Variants in NOL8 observed in about 807,000 individuals in gnomAD.
The protein encoded by NOL8 is nucleolar protein 8.
In NOL8, 93 loss-of-function variants were observed where a neutral mutation model predicts 116.1. That is an observed-to-expected ratio of 0.80 (90% CI 0.68 to 0.95). The LOEUF is 0.95. Among genes scored for constraint, NOL8 ranks in the 40% least tolerant of loss-of-function variants. The probability of loss-of-function intolerance (pLI) is 0.00; values close to 1 mark genes in which losing one functional copy is unlikely to be tolerated. For missense variants in NOL8, 1,291 were observed against 1,382.8 expected, an observed-to-expected ratio of 0.93 and a Z score of 1.05; for synonymous variants, 419 against 469.0, an observed-to-expected ratio of 0.89 and a Z score of 1.38.
chr9:92,324,462 T>G, intron 1 of NOL8: 3 of 251,618 alleles, frequency 1.2e-5, no homozygotes, highest in Non-Finnish European at 7.7e-6. Flanking sequence ...CAAATGGCCA[T>G]AATATTACAC....
chr9:92,302,231 T>G (rs1198946463), intron 12 of NOL8, among the ~76,000 whole-genome samples: 1 of 152,178 alleles, frequency 6.6e-6, no homozygotes, highest in Non-Finnish European at 1.5e-5. Flanking sequence ...TACCAGTAAC[T>G]GGTAAAATTG....
Position 92,314,277 on chromosome 9 carries a change from A to G in NOL8, c.2348T>C (p.Leu783Pro). ...TGAAAATATACTCACCAAATTTGCC[A>G]GAGCATTATGCACCAGCTTCTTCTG... is the stretch of plus-strand genomic sequence containing the variant. ...EVQKKLVHNA[L>P]ANLDGHPEDK... Residue 783 changes from leucine to proline, a missense_variant, in exon 7 of 17, where the codon CTG becomes CCG. By Grantham distance (98) the Leu-to-Pro change is moderately conservative. Transcript: ENST00000442668. 1 of 1,563,676 alleles carries G rather than the reference A, an allele frequency of 6.4e-7. No homozygotes were observed. The highest frequency in any genetic ancestry group is 8.7e-7 in the Non-Finnish European group (1 of 1,154,562).
At position 92,314,538 on chromosome 9, in the gene NOL8, T is replaced by A; in HGVS notation, c.2087A>T (p.Asp696Val). 6.2e-7 allele frequency: 1 copy of A among 1,613,682 alleles called. No homozygotes were observed. The highest frequency in any genetic ancestry group is 8.5e-7 in the Non-Finnish European group (1 of 1,179,752). ...AKTHNIGFDK[D>V]SCHSTTKTEA... ...TGTCTTTGTGGTACTATGGCAGCTGTCTTTGTCAAAGCCTATGTTGTGAGT... is the reference window on the plus strand; with the variant it reads ...TGTCTTTGTGGTACTATGGCAGCTGACTTTGTCAAAGCCTATGTTGTGAGT... Residue 696 changes from aspartate (D) to valine (V), a missense_variant, in exon 7 of 17, where the codon GAC becomes GTC. Physicochemically the swap from Asp to Val is radical, Grantham distance 152. Coordinates refer to ENST00000442668, the MANE Select transcript of NOL8 (RefSeq NM_017948.6).
In NOL8 at chr9:92,324,127, AC is replaced by A; in HGVS notation, c.34del (p.Val12TrpfsTer49). 5.0e-6 allele frequency: 8 copies of A among 1,613,994 alleles called. No individual in the cohort carries two copies. The highest frequency in any genetic ancestry group is 6.8e-6 in the Non-Finnish European group (8 of 1,179,866). Reference protein sequence around the residue: ...KVNRETKRLYVGGLSQDISEA... With the variant: ...KVNRETKRLYXGGLSQDISEA... ...AGAAATGTCCTGGCTAAGGCCACCC[AC>A]ATAAAGGCGCTTCGTTTCTCTGTTC... On this transcript the variant is annotated frameshift_variant, in exon 2 of 17. Coordinates refer to ENST00000442668, the MANE Select transcript of NOL8 (RefSeq NM_017948.6). LOFTEE classifies it high-confidence loss of function.
intron 11 of NOL8, among the ~76,000 whole-genome samples, chr9:92,306,612 A>G (rs1838283345): frequency 6.6e-6 from 1 of 152,212 alleles, no homozygotes; most frequent in Non-Finnish European, 1.5e-5. Flanking sequence ...GTTTATATAA[A>G]TACTTTTACA....
In NOL8 at chr9:92,324,142, G is replaced by A. The variant is rs1424565053; in HGVS notation, c.20C>T (p.Thr7Met). 4 of 1,613,528 alleles carry A rather than the reference G, an allele frequency of 2.5e-6. No individual in the cohort carries two copies. In the African/African-American group the frequency reaches 4.0e-5, roughly 16 times the overall value. MKVNRETKRLYVGGLSQ... is the reference protein window; with the variant it reads MKVNREMKRLYVGGLSQ... ...AAGGCCACCCACATAAAGGCGCTTCGTTTCTCTGTTCACTTTCATGAAGGC... is the reference window on the plus strand; with the variant it reads ...AAGGCCACCCACATAAAGGCGCTTCATTTCTCTGTTCACTTTCATGAAGGC... The change falls in exon 2 of 17, where the codon ACG (threonine) becomes ATG (methionine). Residue 7 changes from threonine (T) to methionine (M), a missense_variant. By Grantham distance (81) the Thr-to-Met change is moderately conservative (BLOSUM62 -1). Transcript: ENST00000442668.
chr9:92,304,540 G>A (rs746348352), intron 12 of NOL8, among the ~76,000 whole-genome samples: 13 of 152,044 alleles, frequency 8.6e-5, no homozygotes, highest in Non-Finnish European at 1.6e-4. Flanking sequence ...GTATAGGGAG[G>A]GGGTAAACAT....
intron 9 of NOL8, 123 bp downstream of exon 9, chr9:92,310,430 C>T: frequency 2.4e-6 from 3 of 1,259,066 alleles, no homozygotes; most frequent in Non-Finnish European, 3.4e-6. Flanking sequence ...AAGACTCACT[C>T]TCCAAATAAA....
intron 12 of NOL8, among the ~76,000 whole-genome samples, chr9:92,305,463 G>A (rs1564209315): frequency 6.6e-6 from 1 of 152,060 alleles, no homozygotes; most frequent in Non-Finnish European, 1.5e-5. Flanking sequence ...CTAAGTTTGT[G>A]GTAGCTACAG....
chr9:92,317,922 C>G (rs564079635), intron 6 of NOL8, among the ~76,000 whole-genome samples: 1 of 149,766 alleles, frequency 6.7e-6, no homozygotes, highest in African/African-American at 2.5e-5. Flanking sequence ...GTAGTCCCAG[C>G]TACTTGGGAG....
At position 92,315,737 on chromosome 9, in the gene NOL8, G is replaced by A. The variant is rs1322151542; in HGVS notation, c.888C>T (p.Ser296=). Residue 296 remains serine (S), a synonymous_variant, in exon 7 of 17, where the codon AGC becomes AGT. Transcript: ENST00000442668. ...CAGAATCAGTATCATCATCAGAAAT[G>A]CTGTTTCTCTTCTTGGCAGTTTCCA... ...SGLETAKKRN[S]ISDDDTDSED... 6.2e-7 allele frequency: 1 copy of A among 1,613,102 alleles called. No individual in the cohort carries two copies. Among genetic ancestry groups the A allele is most frequent in the East Asian group, 2.2e-5 (1 of 44,886 alleles).
intron 6 of NOL8, among the ~76,000 whole-genome samples, chr9:92,316,841 A>G (rs147296985): frequency 1.3e-5 from 2 of 152,228 alleles, no homozygotes; most frequent in African/African-American, 4.8e-5. Context: ...TACCAGGCCT[A>G]TGTCGACACT....
In NOL8 at chr9:92,315,309, C is replaced by T. The variant is rs766743819; in HGVS notation, c.1316G>A (p.Ser439Asn). The T allele has an allele frequency of 6.2e-7, 1 of 1,613,962 alleles. No homozygotes were observed. Among genetic ancestry groups the T allele is most frequent in the Admixed American group, 1.7e-5 (1 of 60,020 alleles). The change falls in exon 7 of 17, where the codon AGT becomes AAT. Residue 439 changes from serine (S) to asparagine (N), a missense_variant. Transcript: ENST00000442668. ...ACGATTAAGAGACTTTAATCCATGA[C>T]TGAGGGCTGACTCTACATTGCTTTT... ...KRKSNVESAL[S>N]HGLKSLNRKS...
At chr9:92,301,389 G>C (rs1837730007) in intron 13 of NOL8, among the ~76,000 whole-genome samples, 162 bp downstream of exon 13, 1 of 152,116 alleles carries the variant, frequency 6.6e-6, no homozygotes. Context: ...ACAGCTTCAG[G>C]AACATCGTGT....
Position 92,324,009 on chromosome 9 carries a change from G to A in NOL8, c.139+14C>T. ...TGTCTGCCTATAACTGCCCAGTGAA[G>A]GACCATAAATTACCTTGGTCATCTT... On this transcript the variant is annotated intron_variant, in intron 2 of 16. Coordinates refer to ENST00000442668, the MANE Select transcript of NOL8 (RefSeq NM_017948.6). The A allele has an allele frequency of 6.2e-7, 1 of 1,613,400 alleles. No homozygotes were observed. The highest frequency in any genetic ancestry group is 1.1e-5 in the South Asian group (1 of 91,024).
intron 3 of NOL8, among the ~76,000 whole-genome samples, chr9:92,322,653 CAG>C: frequency 6.6e-6 from 1 of 152,312 alleles, no homozygotes; most frequent in South Asian, 2.1e-4. Flanking sequence ...TTAATTCTCA[CAG>C]AAATATTATG....
intron 7 of NOL8, among the ~76,000 whole-genome samples, chr9:92,312,322 C>A (rs1838868733): frequency 6.6e-6 from 1 of 151,474 alleles, no homozygotes; most frequent in Admixed American, 6.6e-5. Context: ...GGCATGGTGG[C>A]ACGTGACTGT....
chr9:92,306,303 T>C (rs1232374269), intron 11 of NOL8, among the ~76,000 whole-genome samples: 1 of 152,214 alleles, frequency 6.6e-6, no homozygotes, highest in Admixed American at 6.5e-5. Context: ...CGAAAAAATA[T>C]TTTAAACTAC....
At chr9:92,313,278 A>T (rs1029347180) in intron 7 of NOL8, among the ~76,000 whole-genome samples, 9 of 152,122 alleles carry the variant, frequency 5.9e-5, no homozygotes, top group African/African-American at 2.2e-4. Context: ...TTGGTTACAG[A>T]CGGAGCCGTT....
Sources: allele counts gnomAD v4.1 joint callset (sites outside exome capture counted in the v4.1 genomes callset), GRCh38; gene constraint gnomAD v4.1.1; transcripts MANE v1.5; gene names NCBI Gene and HGNC (gene_info 2026-07-23, HGNC 2026-07-21).